Variants in NKAIN2 observed in about 807,000 individuals in gnomAD.
NKAIN2 encodes sodium/potassium transporting ATPase interacting 2, also known as sodium/potassium-transporting ATPase subunit beta-1-interacting protein 2.
A neutral mutation model predicts 32.6 loss-of-function variants in NKAIN2; 14 were observed. The observed-to-expected ratio is 0.43, with a 90% CI of 0.28 to 0.67. The LOEUF (loss-of-function observed/expected upper bound fraction) is 0.67. NKAIN2 is among the 30% of genes least tolerant of loss of function. The pLI is 0.17. For synonymous variants in NKAIN2, 80 were observed against 87.2 expected (o/e 0.92, Z 0.46); for missense variants, 198 against 258.3 (o/e 0.77, Z 1.60).
At chr6:123,828,453 G>A (rs1774241166) in intron 1 of NKAIN2, among the ~76,000 whole-genome samples, 2 of 152,114 alleles carry the variant, frequency 1.3e-5, no homozygotes, top group East Asian at 1.9e-4. Flanking sequence ...TTGGCATTCT[G>A]GAAGGTTTCC....
intron 1 of NKAIN2, among the ~76,000 whole-genome samples, chr6:123,827,234 A>C (rs986517394): frequency 2.6e-5 from 4 of 152,134 alleles, no homozygotes; most frequent in African/African-American, 9.7e-5. Flanking sequence ...TCTGAACAGA[A>C]GTAGTTAGAA....
rs115746049 is a variant in NKAIN2 at position 124,552,959 on chromosome 6, C to T, written c.274-105227C>T. Among the ~76,000 whole-genome samples, 379 of 152,312 alleles carry T rather than the reference C, an allele frequency of 2.5e-3. 1 individual carries two copies. The highest frequency in any genetic ancestry group is 9.0e-3 in the African/African-American group (373 of 41,572). On this transcript the variant is annotated intron_variant, in intron 3 of 6. Coordinates refer to ENST00000368417, the MANE Select transcript of NKAIN2 (RefSeq NM_001040214.3). Reference sequence around the variant, plus strand: ...CGCTCAAATAACAATTATACTTTAACAGGCAAACAAAAGGTTTTTTTAATC... The same window carrying T: ...CGCTCAAATAACAATTATACTTTAATAGGCAAACAAAAGGTTTTTTTAATC...
intron 3 of NKAIN2, among the ~76,000 whole-genome samples, chr6:124,524,486 G>T (rs968675710): frequency 1.3e-5 from 2 of 152,066 alleles, no homozygotes; most frequent in African/African-American, 4.8e-5. Flanking sequence ...CATGTTCATA[G>T]TCTTTTTATT....
rs1364587413 is a variant in NKAIN2 at position 124,280,550 on chromosome 6, A to G, written c.55-2455A>G. ...GATTCCTTAATCTGCAAAATGGGAC[A>G]ATCCTATTTACCTCCCTTGGTTTTG... On this transcript the variant is annotated intron_variant, in intron 1 of 6. Coordinates refer to ENST00000368417, the MANE Select transcript of NKAIN2 (RefSeq NM_001040214.3). Among the ~76,000 whole-genome samples, 18 of 152,244 alleles carry G rather than the reference A, an allele frequency of 1.2e-4. No individual in the cohort carries two copies. The East Asian group carries it at 3.5e-3, about 30-fold the overall frequency.
chr6:124,296,010 T>C (rs903708892), intron 2 of NKAIN2, among the ~76,000 whole-genome samples: 31 of 152,164 alleles, frequency 2.0e-4, no homozygotes, highest in Non-Finnish European at 3.7e-4. Context: ...ACTGTTTATG[T>C]ATAAAGAACA....
At chr6:124,705,856 C>A (rs1008281707) in intron 4 of NKAIN2, among the ~76,000 whole-genome samples, 2 of 152,100 alleles carry the variant, frequency 1.3e-5, no homozygotes, top group Middle Eastern at 3.4e-3. Flanking sequence ...TATTTTAAAA[C>A]AGACAGTCAA....
Position 124,818,310 on chromosome 6 carries a change from T to C in NKAIN2, c.536-77T>C. Reference sequence around the variant, plus strand: ...TAGATTATTACTAATAAAAGGTTTATTAGTAATCTGTGTGGGTGCTTGATC... The same window carrying C: ...TAGATTATTACTAATAAAAGGTTTACTAGTAATCTGTGTGGGTGCTTGATC... On this transcript the variant is annotated intron_variant, in intron 5 of 6. Coordinates refer to ENST00000368417, the MANE Select transcript of NKAIN2 (RefSeq NM_001040214.3). 4.6e-6 allele frequency: 3 copies of C among 655,740 alleles called. No homozygotes were observed. In the South Asian group the frequency reaches 6.4e-5, roughly 14 times the overall value. The allele number at this position is 655,740 out of a possible 1,614,324, so 40.6% of individuals were successfully genotyped here. A position where few individuals can be genotyped will look rare whatever the true frequency, so the allele number is the denominator to read the frequency against.
chr6:124,450,848 T>A (rs79739118), intron 3 of NKAIN2, among the ~76,000 whole-genome samples: 11,017 of 152,070 alleles, frequency 0.072, 497 homozygotes, highest in African/African-American at 0.099. Context: ...TTCCTTTTTT[T>A]AAAAATTTGA....
intron 3 of NKAIN2, among the ~76,000 whole-genome samples, chr6:124,379,492 A>G (rs1216023233): frequency 6.6e-6 from 1 of 152,062 alleles, no homozygotes; most frequent in East Asian, 1.9e-4. Flanking sequence ...TTTAGTTTCT[A>G]ATAGTGCAAG....
At chr6:124,069,026 T>G (rs1333029113) in intron 1 of NKAIN2, among the ~76,000 whole-genome samples, 1 of 152,036 alleles carries the variant, frequency 6.6e-6, no homozygotes, top group East Asian at 1.9e-4. Context: ...AGATCACAAT[T>G]TTTTTTGTTT....
At chr6:124,677,073 A>G (rs563022387) in intron 4 of NKAIN2, among the ~76,000 whole-genome samples, 32 of 152,060 alleles carry the variant, frequency 2.1e-4, no homozygotes, top group African/African-American at 7.0e-4. Flanking sequence ...GGTTCAAGCA[A>G]TTCTCCTGCC....
intron 1 of NKAIN2, among the ~76,000 whole-genome samples, chr6:123,919,840 A>T (rs377531463): frequency 1.3e-5 from 2 of 152,142 alleles, no homozygotes; most frequent in South Asian, 2.1e-4. Flanking sequence ...CATGATATTG[A>T]TAAAGAGCCT....
At chr6:123,977,900 G>A (rs1778711545) in intron 1 of NKAIN2, among the ~76,000 whole-genome samples, 1 of 152,056 alleles carries the variant, frequency 6.6e-6, no homozygotes, top group Non-Finnish European at 1.5e-5. Flanking sequence ...TTTTACAGAT[G>A]GACAACATGT....
intron 3 of NKAIN2, among the ~76,000 whole-genome samples, chr6:124,645,737 C>T (rs1784145460): frequency 6.6e-6 from 1 of 152,122 alleles, no homozygotes; most frequent in Non-Finnish European, 1.5e-5. Context: ...AGGAAGGCTC[C>T]AACATGAAAG....
intron 3 of NKAIN2, among the ~76,000 whole-genome samples, chr6:124,393,708 G>A (rs1433439931): frequency 1.3e-5 from 2 of 152,120 alleles, no homozygotes; most frequent in East Asian, 3.9e-4. Context: ...CCAGCAAGCA[G>A]CTACTGTCAG....
intron 4 of NKAIN2, among the ~76,000 whole-genome samples, chr6:124,753,268 A>C (rs1053575012): frequency 6.6e-6 from 1 of 152,132 alleles, no homozygotes; most frequent in Non-Finnish European, 1.5e-5. Flanking sequence ...TGCAGAGCAA[A>C]ATCTCTTTCT....
chr6:124,412,998 G>A (rs540452915), intron 3 of NKAIN2, among the ~76,000 whole-genome samples: 65 of 152,298 alleles, frequency 4.3e-4, no homozygotes, highest in African/African-American at 1.4e-3. Context: ...ATCTCCTGGT[G>A]TGCCGTTTGT....
intron 3 of NKAIN2, among the ~76,000 whole-genome samples, chr6:124,506,795 A>T (rs948647208): frequency 6.6e-6 from 1 of 152,228 alleles, no homozygotes; most frequent in Non-Finnish European, 1.5e-5. Context: ...GGCTAAAGAC[A>T]TAACTTGAGC....
At chr6:124,120,555 T>A (rs1280384587) in intron 1 of NKAIN2, among the ~76,000 whole-genome samples, 2 of 152,166 alleles carry the variant, frequency 1.3e-5, no homozygotes. Flanking sequence ...TGAAGCTAAA[T>A]AACTTGCTGG....
Sources: allele counts gnomAD v4.1 joint callset (sites outside exome capture counted in the v4.1 genomes callset), GRCh38; gene constraint gnomAD v4.1.1; transcripts MANE v1.5; gene names NCBI Gene and HGNC (gene_info 2026-07-23, HGNC 2026-07-21).